Variants in TENM3 observed in about 807,000 individuals in gnomAD.
TENM3 encodes teneurin transmembrane protein 3.
In TENM3, 63 loss-of-function variants were observed where a neutral mutation model predicts 255.1. The ratio of observed to expected loss-of-function variants is 0.25; its 90% CI spans 0.20 to 0.30. The LOEUF is 0.30. Ranked by LOEUF, TENM3 falls within the 10% of genes least tolerant of loss-of-function variation. The probability of loss-of-function intolerance (pLI) is 1.00; values close to 1 mark genes in which losing one functional copy is unlikely to be tolerated. For synonymous variants in TENM3, 1,306 were observed against 1,322.3 expected, an observed-to-expected ratio of 0.99 and a Z score of 0.27; for missense variants, 2,929 against 3,461.1, an observed-to-expected ratio of 0.85 and a Z score of 3.86.
chr4:181,853,772 G>T, the TENM3 span, among the ~76,000 whole-genome samples: 2 of 152,196 alleles, frequency 1.3e-5, no homozygotes, highest in African/African-American at 4.8e-5. Context: ...GGTCCCGGAG[G>T]GTTAAGAGGA....
chr4:181,916,192 C>T, the TENM3 span, among the ~76,000 whole-genome samples: 1 of 151,282 alleles, frequency 6.6e-6, no homozygotes, highest in South Asian at 2.1e-4. Flanking sequence ...ACATACACAT[C>T]ACTTTCTCAG....
rs757490922 is a variant in TENM3 at position 182,628,768 on chromosome 4, C to T, written c.867C>T (p.Asn289=). 1.9e-6 allele frequency: 3 copies of T among 1,610,202 alleles called. No homozygotes were observed. Among genetic ancestry groups the T allele is most frequent in the Admixed American group, 1.7e-5 (1 of 59,492 alleles). ...YSPPTRPLPR[N]TLSRSAFKFK... ...CACCTACTCGGCCACTACCTAGAAA[C>T]ACCCTATCAAGAAGTGCTTTTAAAT... Residue 289 remains asparagine (N), a synonymous_variant, in exon 5 of 28, where the codon AAC becomes AAT. Transcript: ENST00000511685.
the TENM3 span, among the ~76,000 whole-genome samples, chr4:181,815,262 G>A: frequency 2.0e-5 from 3 of 150,702 alleles, no homozygotes; most frequent in Non-Finnish European, 4.4e-5. Context: ...GACCAGCCTG[G>A]CCAACATGGT....
At chr4:182,002,890 C>T in the TENM3 span, among the ~76,000 whole-genome samples, 2 of 152,048 alleles carry the variant, frequency 1.3e-5, no homozygotes, top group Admixed American at 6.6e-5. Context: ...TCCTAAAACA[C>T]GGCCTTTATA....
At chr4:181,623,842 A>G in the TENM3 span, among the ~76,000 whole-genome samples, 2 of 152,230 alleles carry the variant, frequency 1.3e-5, no homozygotes, top group Non-Finnish European at 2.9e-5. Flanking sequence ...TGAGACACAA[A>G]ATGAGCTTAA....
the TENM3 span, among the ~76,000 whole-genome samples, chr4:182,085,628 G>T: frequency 1.4e-4 from 22 of 152,150 alleles, no homozygotes; most frequent in African/African-American, 3.9e-4. Flanking sequence ...CAGTGTCTTG[G>T]TATCTGTGCA....
At chr4:182,363,264 A>ATG (rs1361224398) in intron 3 of TENM3, among the ~76,000 whole-genome samples, 81 of 152,012 alleles carry the variant, frequency 5.3e-4, no homozygotes, top group African/African-American at 1.9e-3. Context: ...TTGATCCTTG[A>ATG]TGTGAGTATG....
intron 4 of TENM3, among the ~76,000 whole-genome samples, chr4:182,607,897 C>T (rs1361956075): frequency 6.6e-6 from 1 of 152,146 alleles, no homozygotes; most frequent in Non-Finnish European, 1.5e-5. Flanking sequence ...TTAATTACTT[C>T]TAACACATTT....
intron 13 of TENM3, among the ~76,000 whole-genome samples, chr4:182,719,776 G>GA (rs1388867731): frequency 1.3e-5 from 2 of 152,112 alleles, no homozygotes; most frequent in Non-Finnish European, 2.9e-5. Flanking sequence ...CGAACTGCAA[G>GA]AAAGCTGGGT....
intron 3 of TENM3, among the ~76,000 whole-genome samples, chr4:182,540,492 C>A (rs1740761922): frequency 6.6e-6 from 1 of 152,118 alleles, no homozygotes; most frequent in African/African-American, 2.4e-5. Flanking sequence ...GAGGCGGAGG[C>A]AGGAGAATCA....
At chr4:182,128,092 A>T in the TENM3 span, among the ~76,000 whole-genome samples, 3 of 152,138 alleles carry the variant, frequency 2.0e-5, no homozygotes, top group Non-Finnish European at 4.4e-5. Context: ...ATTACCAAAT[A>T]ATATTATTAA....
the TENM3 span, among the ~76,000 whole-genome samples, chr4:181,778,032 G>A: frequency 5.7e-3 from 865 of 152,178 alleles, 9 homozygotes; most frequent in African/African-American, 0.02. Context: ...AGCAATCCAT[G>A]TCTGCACAGG....
the TENM3 span, among the ~76,000 whole-genome samples, chr4:181,786,229 G>A: frequency 2.0e-5 from 3 of 152,118 alleles, no homozygotes; most frequent in Non-Finnish European, 4.4e-5. Flanking sequence ...CCGTTATGTG[G>A]TACCAAAAAG....
chr4:181,743,319 A>G, the TENM3 span, among the ~76,000 whole-genome samples: 7 of 152,220 alleles, frequency 4.6e-5, no homozygotes, highest in East Asian at 5.8e-4. Context: ...CTATTTCTCC[A>G]CATCCTCTCC....
intron 3 of TENM3, among the ~76,000 whole-genome samples, chr4:182,479,960 T>C (rs1177150017): frequency 6.6e-6 from 1 of 152,014 alleles, no homozygotes; most frequent in Non-Finnish European, 1.5e-5. Context: ...AAAATAAATG[T>C]ATTTAGAAAA....
the TENM3 span, among the ~76,000 whole-genome samples, chr4:181,967,706 A>G: frequency 6.6e-6 from 1 of 152,098 alleles, no homozygotes; most frequent in Non-Finnish European, 1.5e-5. Flanking sequence ...TCCCCATGAT[A>G]TAGCACAAAC....
chr4:181,623,710 G>C, the TENM3 span, among the ~76,000 whole-genome samples: 3 of 152,156 alleles, frequency 2.0e-5, no homozygotes, highest in Admixed American at 1.3e-4. Flanking sequence ...TAAACAATCA[G>C]TTGTTATATT....
the TENM3 span, among the ~76,000 whole-genome samples, chr4:181,725,465 GT>G: frequency 7.7e-5 from 4 of 52,254 alleles, no homozygotes; most frequent in Admixed American, 5.8e-4. Flanking sequence ...TTGTTTGTTT[GT>G]TTTTTTTAGA....
the TENM3 span, among the ~76,000 whole-genome samples, chr4:181,835,799 C>G: frequency 6.6e-6 from 1 of 152,112 alleles, no homozygotes; most frequent in Non-Finnish European, 1.5e-5. Flanking sequence ...ATGTAATTGA[C>G]ATAAATACTA....
Sources: gnomAD v4.1 joint callset for allele counts (sites outside exome capture counted in the v4.1 genomes callset) on GRCh38, gnomAD v4.1.1 for gene constraint, MANE v1.5 for transcripts, NCBI Gene and HGNC (gene_info 2026-07-23, HGNC 2026-07-21) for gene names.